DOCK3: variants seen among roughly 807,000 people sequenced by gnomAD.
DOCK3 encodes dedicator of cytokinesis 3.
Under a neutral mutation model 265.6 loss-of-function variants are expected in DOCK3, and 60 were observed. That is an observed-to-expected ratio of 0.23 (90% confidence interval 0.18 to 0.28). The LOEUF is 0.28. DOCK3 is among the 10% of genes least tolerant of loss of function. The probability of loss-of-function intolerance (pLI) is 1.00; values close to 1 mark genes in which losing one functional copy is unlikely to be tolerated. For synonymous variants in DOCK3, 881 were observed against 938.0 expected, an observed-to-expected ratio of 0.94 and a Z score of 1.11; for missense variants, 1,981 against 2,594.3, an observed-to-expected ratio of 0.76 and a Z score of 5.14.
intron 2 of DOCK3, among the ~76,000 whole-genome samples, chr3:50,834,711 A>G (rs1375068911): frequency 9.2e-5 from 14 of 152,216 alleles, no homozygotes; most frequent in South Asian, 2.1e-4. Flanking sequence ...CCATGTCACT[A>G]TAAGTCATTC....
At chr3:50,964,821 AAC>A (rs1489134280) in intron 5 of DOCK3, among the ~76,000 whole-genome samples, 1 of 152,128 alleles carries the variant, frequency 6.6e-6, no homozygotes, top group Non-Finnish European at 1.5e-5. Flanking sequence ...ATAAAAAATG[AAC>A]ACACTATAAT....
chr3:51,228,520 A>G, intron 17 of DOCK3, 141 bp from the exon 18 acceptor site: 1 of 904,744 alleles, frequency 1.1e-6, no homozygotes, highest in Non-Finnish European at 1.6e-6. Context: ...TCTGAACAGA[A>G]AGTACTCTTC....
At chr3:50,758,393 TG>T in intron 1 of DOCK3, among the ~76,000 whole-genome samples, 1 of 152,002 alleles carries the variant, frequency 6.6e-6, no homozygotes. Flanking sequence ...AAGATTGTTT[TG>T]GATATTCTGG....
rs571372266 is a variant in DOCK3 at position 51,357,193 on chromosome 3, G to A, written c.4683+52G>A. On this transcript the variant is annotated intron_variant, in intron 44 of 52. Transcript: ENST00000266037. Reference sequence around the variant, plus strand: ...ATGCAGCCAGCCTGGCCAGGAAGGCGGCTCACAGGCTTCTCTTTTCAAGAT... The same window carrying A: ...ATGCAGCCAGCCTGGCCAGGAAGGCAGCTCACAGGCTTCTCTTTTCAAGAT... 1.9e-5 allele frequency: 30 copies of A among 1,562,306 alleles called. No homozygotes were observed. In the East Asian group the frequency reaches 4.5e-4, roughly 24 times the overall value.
Position 51,228,731 on chromosome 3 carries a change from A to G in DOCK3, c.1718A>G (p.Asn573Ser), listed in dbSNP as rs780253481. The stretch of plus-strand genomic sequence containing the variant: ...CTGCCCTGCTGCAAAGAGGACTACA[A>G]TGGCTGCCCTAATATTCCTTCTAGC... ...LGLPCCKEDY[N>S]GCPNIPSSLI... The change falls in exon 18 of 53, where the codon AAT becomes AGT. Residue 573 changes from asparagine (N) to serine (S), a missense_variant. Around this residue, in one of 4 missense-constraint regions of DOCK3, gnomAD observed 1,357 missense variants for 1,866.8 expected, o/e 0.73. Coordinates refer to ENST00000266037, the MANE Select transcript of DOCK3 (RefSeq NM_004947.5). 2.4e-5 allele frequency: 39 copies of G among 1,613,832 alleles called. No homozygotes were observed. The highest frequency in any genetic ancestry group is 3.2e-5 in the Non-Finnish European group (38 of 1,179,886).
At chr3:50,895,321 A>G (rs1329390345) in intron 4 of DOCK3, among the ~76,000 whole-genome samples, 1 of 150,002 alleles carries the variant, frequency 6.7e-6, no homozygotes, top group East Asian at 2.0e-4. Context: ...AACGTGTGCC[A>G]TGGTGGTTTG....
intron 9 of DOCK3, among the ~76,000 whole-genome samples, chr3:51,119,757 T>C (rs922822551): frequency 6.6e-6 from 1 of 151,964 alleles, no homozygotes; most frequent in Non-Finnish European, 1.5e-5. Flanking sequence ...TCAGTTCAGC[T>C]ATTGATACTT....
intron 32 of DOCK3, among the ~76,000 whole-genome samples, chr3:51,329,892 A>G (rs2109947505): frequency 6.6e-6 from 1 of 152,286 alleles, no homozygotes; most frequent in South Asian, 2.1e-4. Flanking sequence ...CTTAGATTGG[A>G]AAGAGTACCT....
intron 5 of DOCK3, among the ~76,000 whole-genome samples, chr3:50,972,901 T>A (rs1271185444): frequency 1.4e-5 from 2 of 142,710 alleles, no homozygotes; most frequent in African/African-American, 2.6e-5. Context: ...TTTTTTTTTT[T>A]AATTCCATAC....
intron 3 of DOCK3, among the ~76,000 whole-genome samples, chr3:50,884,193 C>T (rs1270150660): frequency 2.6e-5 from 4 of 151,720 alleles, no homozygotes; most frequent in African/African-American, 7.3e-5. Context: ...TGGGTTCAAG[C>T]GATTCTCCTG....
intron 9 of DOCK3, among the ~76,000 whole-genome samples, chr3:51,111,083 C>T (rs1576114873): frequency 6.6e-6 from 1 of 152,178 alleles, no homozygotes; most frequent in East Asian, 1.9e-4. Context: ...TTCACAATTG[C>T]CACACACAAA....
intron 12 of DOCK3, among the ~76,000 whole-genome samples, chr3:51,178,342 AC>A (rs1478634663): frequency 5.9e-5 from 9 of 152,164 alleles, no homozygotes; most frequent in Non-Finnish European, 7.3e-5. Context: ...GTTGGCACAA[AC>A]ATGGCATGTG....
intron 5 of DOCK3, among the ~76,000 whole-genome samples, chr3:50,972,113 G>T (rs1046393181): frequency 6.6e-6 from 1 of 152,188 alleles, no homozygotes; most frequent in Non-Finnish European, 1.5e-5. Flanking sequence ...CTTCTTTGTG[G>T]AACTTCCTCC....
At chr3:51,074,575 G>A (rs1465946822) in intron 6 of DOCK3, among the ~76,000 whole-genome samples, 4 of 152,048 alleles carry the variant, frequency 2.6e-5, no homozygotes. Flanking sequence ...ACCAGTATCA[G>A]TATTAGTTAA....
chr3:50,952,509 A>G (rs562130894), intron 5 of DOCK3, among the ~76,000 whole-genome samples: 1 of 152,338 alleles, frequency 6.6e-6, no homozygotes, highest in Admixed American at 6.5e-5. Flanking sequence ...ACCTGTCTTT[A>G]GAAATACCAT....
intron 3 of DOCK3, among the ~76,000 whole-genome samples, chr3:50,883,550 T>C (rs1386621686): frequency 6.6e-6 from 1 of 152,160 alleles, no homozygotes; most frequent in Non-Finnish European, 1.5e-5. Flanking sequence ...AAATTCTTTT[T>C]GTTTTCCTTC....
intron 10 of DOCK3, among the ~76,000 whole-genome samples, chr3:51,158,076 G>A (rs1241722261): frequency 6.6e-6 from 1 of 152,100 alleles, no homozygotes; most frequent in East Asian, 1.9e-4. Context: ...TCACATTAAG[G>A]ACAAAGGTTA....
At position 50,915,217 on chromosome 3, in the gene DOCK3, C is replaced by T. The variant is rs929153617; in HGVS notation, c.219-18764C>T. ...CAGGATACAGCTGCAGTTTGGCATC[C>T]CCAATCCAATAGAACTCAGGGGCAG... On this transcript the variant is annotated intron_variant, in intron 4 of 52. Coordinates refer to ENST00000266037, the MANE Select transcript of DOCK3 (RefSeq NM_004947.5). Among the ~76,000 whole-genome samples the T allele has an allele frequency of 1.2e-4, 18 of 152,010 alleles. 1 individual carries two copies. In the Middle Eastern group the frequency reaches 0.01, roughly 86 times the overall value.
chr3:50,807,249 C>CTTTTT (rs59370167), intron 2 of DOCK3, among the ~76,000 whole-genome samples: 11 of 144,474 alleles, frequency 7.6e-5, no homozygotes, highest in East Asian at 2.0e-4. Context: ...CTGCCACGCT[C>CTTTTT]TTTTTTTTTT....
Sources: gnomAD v4.1 joint callset for allele counts (sites outside exome capture counted in the v4.1 genomes callset) on GRCh38, gnomAD v4.1.1 for gene constraint, gnomAD v4.1.1 regional missense constraint, MANE v1.5 for transcripts, NCBI Gene and HGNC (gene_info 2026-07-23, HGNC 2026-07-21) for gene names.